Variants in ARID1B observed in about 807,000 individuals in gnomAD.
ARID1B encodes AT-rich interactive domain-containing protein 1B.
In ARID1B, 30 loss-of-function variants were observed where a neutral mutation model predicts 212.3. The ratio of observed to expected loss-of-function variants is 0.14; its 90% CI spans 0.11 to 0.19. The LOEUF (loss-of-function observed/expected upper bound fraction) is 0.19. Ranked by LOEUF, ARID1B falls within the 10% of genes least tolerant of loss-of-function variation. ARID1B has a pLI of 1.00. For missense variants in ARID1B, 2,891 were observed against 3,204.0 expected, an observed-to-expected ratio of 0.90 and a Z score of 2.36; for synonymous variants, 1,402 against 1,301.7, an observed-to-expected ratio of 1.08 and a Z score of -1.66.
intron 4 of ARID1B, chr6:157,071,359 G>T (rs1484342299): frequency 6.6e-6 from 1 of 152,138 alleles, no homozygotes; most frequent in Non-Finnish European, 1.5e-5. Context: ...AGCTCAGTAG[G>T]ACAAATGGAC....
rs1554247377 is a variant in ARID1B at position 156,778,292 on chromosome 6, A to AGCAGCAGCAG, written c.612_613insGCAGCAGCAG (p.Gln205AlafsTer113). 3 of 1,518,256 alleles carry AGCAGCAGCAG rather than the reference A, an allele frequency of 2.0e-6. No homozygotes were observed. Among genetic ancestry groups the AGCAGCAGCAG allele is most frequent in the South Asian group, 1.2e-5 (1 of 83,294 alleles). The allele number at this position is 1,518,256 out of a possible 1,614,324, so 94.0% of individuals were successfully genotyped here. ...TCCAGCAGCAGCAGCAGCAGCAGCA[A>AGCAGCAGCAG]CAGCAGCAGCAGCAGCAGCAGCAAC... On this transcript the variant is annotated frameshift_variant, in exon 1 of 20. Transcript: ENST00000636930. LOFTEE classifies it high-confidence loss of function.
At chr6:157,105,841 C>A (rs1786439657) in intron 5 of ARID1B, among the ~76,000 whole-genome samples, 1 of 152,056 alleles carries the variant, frequency 6.6e-6, no homozygotes, top group Non-Finnish European at 1.5e-5. Flanking sequence ...ACTTCATGAT[C>A]CGCCCGCCTC....
At chr6:156,780,783 A>T (rs771973111) in intron 1 of ARID1B, among the ~76,000 whole-genome samples, 1 of 152,252 alleles carries the variant, frequency 6.6e-6, no homozygotes, top group Non-Finnish European at 1.5e-5. Flanking sequence ...TACAAAATTC[A>T]GATCTTTGAT....
At chr6:156,944,787 T>C (rs1792942041) in intron 4 of ARID1B, among the ~76,000 whole-genome samples, 1 of 152,170 alleles carries the variant, frequency 6.6e-6, no homozygotes, top group Non-Finnish European at 1.5e-5. Flanking sequence ...TAAACCGAGA[T>C]TGACATGAAT....
intron 15 of ARID1B, chr6:157,195,200 C>T (rs910238447): frequency 2.6e-5 from 4 of 152,318 alleles, no homozygotes; most frequent in African/African-American, 9.6e-5. Flanking sequence ...CACAGTGTGA[C>T]TGGGCCTCTG....
intron 4 of ARID1B, among the ~76,000 whole-genome samples, chr6:156,982,873 A>G (rs181606234): frequency 4.6e-5 from 7 of 152,050 alleles, no homozygotes; most frequent in Admixed American, 1.3e-4. Flanking sequence ...ACTTTTTACA[A>G]TCTGTTTTAG....
At chr6:156,782,805 T>C (rs1412877575) in intron 1 of ARID1B, among the ~76,000 whole-genome samples, 2 of 152,138 alleles carry the variant, frequency 1.3e-5, no homozygotes, top group East Asian at 3.8e-4. Context: ...GTGGACTTAG[T>C]AACTGTGGCT....
At chr6:157,078,303 G>C (rs530377820) in intron 4 of ARID1B, among the ~76,000 whole-genome samples, 1 of 152,256 alleles carries the variant, frequency 6.6e-6, no homozygotes, top group South Asian at 2.1e-4. Flanking sequence ...CATTTCTGAG[G>C]CTGGTCCTGG....
chr6:156,980,619 GGGC>G, intron 4 of ARID1B, among the ~76,000 whole-genome samples: 1 of 152,212 alleles, frequency 6.6e-6, no homozygotes, highest in African/African-American at 2.4e-5. Context: ...TTTAGTGGCA[GGGC>G]TACTCGTAGA....
chr6:156,885,085 G>A (rs923806316), intron 2 of ARID1B, among the ~76,000 whole-genome samples: 5 of 152,016 alleles, frequency 3.3e-5, no homozygotes, highest in African/African-American at 9.7e-5. Context: ...TTTGAAACCT[G>A]GCTTTACCTT....
intron 2 of ARID1B, among the ~76,000 whole-genome samples, chr6:156,853,687 T>C (rs1000591445): frequency 5.3e-5 from 8 of 152,314 alleles, no homozygotes; most frequent in African/African-American, 1.9e-4. Context: ...AAGAGATGGC[T>C]TCTGCATCTG....
At chr6:156,893,658 C>T (rs1346747248) in intron 2 of ARID1B, among the ~76,000 whole-genome samples, 1 of 151,818 alleles carries the variant, frequency 6.6e-6, no homozygotes, top group Non-Finnish European at 1.5e-5. Flanking sequence ...TATACATGGC[C>T]AATAAGCACA....
chr6:156,782,002 T>G (rs868250546), intron 1 of ARID1B, among the ~76,000 whole-genome samples: 13 of 141,990 alleles, frequency 9.2e-5, no homozygotes, highest in African/African-American at 1.7e-4. Flanking sequence ...TTTTTTTTTT[T>G]TTGTTGAGGT....
chr6:157,109,987 G>A (rs1014173969), intron 5 of ARID1B, among the ~76,000 whole-genome samples: 1 of 152,096 alleles, frequency 6.6e-6, no homozygotes, highest in African/African-American at 2.4e-5. Flanking sequence ...TCTTAATGGA[G>A]GTCTTCTAAG....
intron 15 of ARID1B, among the ~76,000 whole-genome samples, chr6:157,192,955 G>A (rs1417371838): frequency 1.3e-5 from 2 of 152,108 alleles, no homozygotes; most frequent in Non-Finnish European, 2.9e-5. Flanking sequence ...GCTGCTGCTG[G>A]TGGTGTTAAC....
intron 1 of ARID1B, among the ~76,000 whole-genome samples, chr6:156,809,761 A>G (rs1221626883): frequency 6.6e-6 from 1 of 151,610 alleles, no homozygotes; most frequent in Non-Finnish European, 1.5e-5. Flanking sequence ...GGTTCGTTCA[A>G]AAATGATTCA....
intron 1 of ARID1B, among the ~76,000 whole-genome samples, chr6:156,787,663 T>C (rs1012537285): frequency 6.6e-6 from 1 of 152,144 alleles, no homozygotes; most frequent in African/African-American, 2.4e-5. Flanking sequence ...ACCTTGGAAA[T>C]AGGAATGTGG....
chr6:156,813,613 GA>G (rs924985375), intron 1 of ARID1B, among the ~76,000 whole-genome samples: 1 of 152,170 alleles, frequency 6.6e-6, no homozygotes, highest in African/African-American at 2.4e-5. Flanking sequence ...ACATGTGTAA[GA>G]GAATATTCTG....
At chr6:157,096,393 G>A (rs1785633985) in intron 5 of ARID1B, among the ~76,000 whole-genome samples, 2 of 152,192 alleles carry the variant, frequency 1.3e-5, no homozygotes, top group Admixed American at 6.5e-5. Flanking sequence ...TCTCCTGTGG[G>A]CTTGGAGCCA....
Sources: allele counts gnomAD v4.1 joint callset (sites outside exome capture counted in the v4.1 genomes callset), GRCh38; gene constraint gnomAD v4.1.1; transcripts MANE v1.5; gene names NCBI Gene and HGNC (gene_info 2026-07-23, HGNC 2026-07-21).